The following SLC35F4 variants were observed in gnomAD, a reference collection of about 807,000 sequenced individuals.
SLC35F4 encodes solute carrier family 35 member F4.
In SLC35F4, 24 loss-of-function variants were observed where a neutral mutation model predicts 44.2. That is an observed-to-expected ratio of 0.54 (90% CI 0.39 to 0.76). The LOEUF (loss-of-function observed/expected upper bound fraction) is 0.76, where lower values mean the gene tolerates loss of function less well. Ranked by LOEUF, SLC35F4 falls within the 30% of genes least tolerant of loss-of-function variation. SLC35F4 has a pLI of 0.00. For missense variants in SLC35F4, 562 were observed against 586.1 expected (o/e 0.96, Z 0.42); for synonymous variants, 238 against 223.6 (o/e 1.06, Z -0.57).
At chr14:57,910,752 A>G (rs187870752) in intron 1 of SLC35F4, among the ~76,000 whole-genome samples, 2 of 152,112 alleles carry the variant, frequency 1.3e-5, no homozygotes, top group East Asian at 1.9e-4. Flanking sequence ...TCAATATTTT[A>G]TCAGATAATC....
chr14:57,772,943 TA>T (rs2077403352), intron 1 of SLC35F4, among the ~76,000 whole-genome samples: 1 of 152,194 alleles, frequency 6.6e-6, no homozygotes, highest in South Asian at 2.1e-4. Flanking sequence ...CTGTTTTCCA[TA>T]GAGGTTGAAC....
chr14:57,621,912 T>C (rs1331853800), intron 1 of SLC35F4, among the ~76,000 whole-genome samples: 1 of 150,712 alleles, frequency 6.6e-6, no homozygotes, highest in African/African-American at 2.4e-5. Flanking sequence ...TTTTGCAACC[T>C]ACTCATCTGA....
At chr14:57,694,720 G>A (rs8021790) in intron 1 of SLC35F4, among the ~76,000 whole-genome samples, 67,216 of 151,844 alleles carry the variant, frequency 0.44, 15,113 homozygotes, top group African/African-American at 0.53. Flanking sequence ...CTTGTCTCTC[G>A]ATAATATTTT....
intron 4 of SLC35F4, chr14:57,578,997 A>C (rs2069028791): frequency 6.6e-6 from 1 of 152,262 alleles, no homozygotes; most frequent in Non-Finnish European, 1.5e-5. Flanking sequence ...TGCCTCTTCC[A>C]GGGTTCTGGT....
intron 1 of SLC35F4, among the ~76,000 whole-genome samples, chr14:57,699,354 CTTTTA>C (rs1373572119): frequency 6.6e-6 from 1 of 152,056 alleles, no homozygotes; most frequent in Admixed American, 6.6e-5. Flanking sequence ...GGCCCCCAAG[CTTTTA>C]TTTTAACACT....
intron 1 of SLC35F4, among the ~76,000 whole-genome samples, chr14:57,647,710 C>G (rs545992136): frequency 1.3e-5 from 2 of 152,138 alleles, no homozygotes; most frequent in African/African-American, 4.8e-5. Flanking sequence ...CATCTGTGTT[C>G]TTCCTTATAA....
At chr14:57,881,620 AAAT>A (rs754085971) in intron 1 of SLC35F4, among the ~76,000 whole-genome samples, 1 of 152,182 alleles carries the variant, frequency 6.6e-6, no homozygotes, top group African/African-American at 2.4e-5. Context: ...ACTGTTAAAC[AAAT>A]ATTATTTCCC....
intron 1 of SLC35F4, among the ~76,000 whole-genome samples, chr14:57,943,774 A>G (rs1036687653): frequency 6.6e-6 from 1 of 152,328 alleles, no homozygotes; most frequent in Non-Finnish European, 1.5e-5. Flanking sequence ...ATCTTGAGAA[A>G]GTGCCAAGTT....
intron 1 of SLC35F4, among the ~76,000 whole-genome samples, chr14:57,692,362 G>T (rs921587241): frequency 2.6e-5 from 4 of 151,942 alleles, no homozygotes; most frequent in African/African-American, 9.7e-5. Context: ...CTTTAAAATG[G>T]TCATATATTT....
chr14:57,873,382 C>G (rs1888334415), intron 1 of SLC35F4, among the ~76,000 whole-genome samples: 1 of 152,130 alleles, frequency 6.6e-6, no homozygotes, highest in African/African-American at 2.4e-5. Context: ...CATAGCATCA[C>G]TGGTAATAAT....
intron 1 of SLC35F4, among the ~76,000 whole-genome samples, chr14:57,922,469 C>A (rs1889461246): frequency 6.6e-6 from 1 of 152,134 alleles, no homozygotes; most frequent in Non-Finnish European, 1.5e-5. Context: ...ATCAACTAGC[C>A]ATTTCTGCCT....
chr14:57,604,803 C>T (rs1367513202), intron 1 of SLC35F4, among the ~76,000 whole-genome samples: 1 of 152,122 alleles, frequency 6.6e-6, no homozygotes, highest in Non-Finnish European at 1.5e-5. Context: ...AATAGAGCTG[C>T]ACATCTACAA....
intron 1 of SLC35F4, among the ~76,000 whole-genome samples, chr14:57,787,902 T>C (rs148479514): frequency 3.3e-5 from 5 of 152,258 alleles, no homozygotes; most frequent in Middle Eastern, 3.4e-3. Context: ...GCTGGATGAA[T>C]GTGATGGTAC....
chr14:57,619,374 C>A (rs767446132), intron 1 of SLC35F4, among the ~76,000 whole-genome samples: 1 of 151,184 alleles, frequency 6.6e-6, no homozygotes, highest in Non-Finnish European at 1.5e-5. Context: ...GTTCTGCAGC[C>A]TCCGCTGGTG....
intron 1 of SLC35F4, among the ~76,000 whole-genome samples, chr14:57,600,499 C>T (rs888338667): frequency 2.4e-4 from 36 of 149,744 alleles, no homozygotes; most frequent in Admixed American, 5.3e-4. Flanking sequence ...GAGACCATCC[C>T]GGCTAAAACG....
intron 1 of SLC35F4, among the ~76,000 whole-genome samples, chr14:57,632,143 ATTT>A (rs201353185): frequency 8.9e-4 from 133 of 149,068 alleles, no homozygotes; most frequent in Non-Finnish European, 1.5e-3. Flanking sequence ...TGCAGGTTTA[ATTT>A]TTTTTTTTAG....
chr14:57,762,427 A>G (rs959288919), intron 1 of SLC35F4, among the ~76,000 whole-genome samples: 1 of 152,076 alleles, frequency 6.6e-6, no homozygotes, highest in Non-Finnish European at 1.5e-5. Flanking sequence ...TTTCTAGGGA[A>G]TTTTACCTTT....
intron 1 of SLC35F4, among the ~76,000 whole-genome samples, chr14:57,616,465 A>C (rs935542675): frequency 1.2e-4 from 18 of 152,200 alleles, no homozygotes; most frequent in Non-Finnish European, 2.5e-4. Context: ...ATGCTCCCCT[A>C]GTAAAAAGCA....
chr14:57,682,764 C>T (rs1195013479), intron 1 of SLC35F4, among the ~76,000 whole-genome samples: 1 of 152,102 alleles, frequency 6.6e-6, no homozygotes, highest in Admixed American at 6.6e-5. Context: ...AGTCTGAATC[C>T]TAGTTCCTCC....
Sources: gnomAD v4.1 joint callset for allele counts (sites outside exome capture counted in the v4.1 genomes callset) on GRCh38, gnomAD v4.1.1 for gene constraint, MANE v1.5 for transcripts, NCBI Gene and HGNC (gene_info 2026-07-23, HGNC 2026-07-21) for gene names.